Variants in CCDC85A observed in about 807,000 individuals in gnomAD.
CCDC85A encodes the protein coiled-coil domain-containing protein 85A.
Under a neutral mutation model 50.2 loss-of-function variants are expected in CCDC85A, and 38 were observed. The ratio of observed to expected loss-of-function variants is 0.76; its 90% CI spans 0.58 to 0.99. CCDC85A has a LOEUF of 0.99. Ranked by LOEUF, CCDC85A falls within the 50% of genes least tolerant of loss-of-function variation. The probability of loss-of-function intolerance (pLI) is 0.00; values close to 1 mark genes in which losing one functional copy is unlikely to be tolerated. For missense variants in CCDC85A, 820 were observed against 742.0 expected (o/e 1.11, Z -1.22); for synonymous variants, 366 against 301.4 (o/e 1.21, Z -2.22).
intron 5 of CCDC85A, among the ~76,000 whole-genome samples, chr2:56,382,843 C>T (rs936372537): frequency 6.6e-6 from 1 of 151,980 alleles, no homozygotes; most frequent in Non-Finnish European, 1.5e-5. Flanking sequence ...GTCCTTAAGT[C>T]TACCCTCTGC....
At chr2:56,378,866 A>G (rs1052666292) in intron 5 of CCDC85A, among the ~76,000 whole-genome samples, 1 of 152,232 alleles carries the variant, frequency 6.6e-6, no homozygotes, top group Non-Finnish European at 1.5e-5. Flanking sequence ...TGTGGATTCT[A>G]TAGGAACTTC....
intron 2 of CCDC85A, among the ~76,000 whole-genome samples, chr2:56,306,523 A>G (rs1256853857): frequency 4.6e-5 from 7 of 152,114 alleles, no homozygotes; most frequent in Non-Finnish European, 1.0e-4. Context: ...TACTTATACA[A>G]CCTTACATCC....
intron 2 of CCDC85A, among the ~76,000 whole-genome samples, chr2:56,288,638 C>T (rs997312737): frequency 6.6e-5 from 10 of 151,970 alleles, no homozygotes; most frequent in African/African-American, 1.9e-4. Flanking sequence ...TCCAACACAC[C>T]GATAGAGAAA....
rs1479017307 is a variant in CCDC85A, at chr2:56,192,788, C to T, written c.588C>T (p.Leu196=). The change falls in exon 2 of 6, where the codon CTC becomes CTT. Residue 196 remains leucine, a synonymous_variant. Transcript: ENST00000407595. This position sits in a 1 kb window ranked among gnomAD's most constrained non-coding sequence, Gnocchi z 4.7. ...SIDSQASLCQ[L]TASTAPYVRD... ...ACAGCCAGGCCAGCCTGTGCCAACT[C>T]ACAGCCTCCACCGCACCCTACGTGC... 1.2e-6 allele frequency: 2 copies of T among 1,613,040 alleles called. No individual in the cohort carries two copies. Among genetic ancestry groups the T allele is most frequent in the African/African-American group, 1.3e-5 (1 of 74,898 alleles).
At chr2:56,289,377 C>T (rs1413670369) in intron 2 of CCDC85A, among the ~76,000 whole-genome samples, 1 of 152,128 alleles carries the variant, frequency 6.6e-6, no homozygotes, top group Non-Finnish European at 1.5e-5. Flanking sequence ...TGTATGAACA[C>T]TAGGGGATGC....
chr2:56,239,180 A>G (rs1669149503), intron 2 of CCDC85A, among the ~76,000 whole-genome samples: 1 of 152,066 alleles, frequency 6.6e-6, no homozygotes, highest in African/African-American at 2.4e-5. Flanking sequence ...GCCAGATGTG[A>G]GGGTCGTTAT....
chr2:56,300,871 A>G (rs577475690), intron 2 of CCDC85A, among the ~76,000 whole-genome samples: 1 of 152,280 alleles, frequency 6.6e-6, no homozygotes, highest in East Asian at 1.9e-4. Context: ...AAGGTCGATG[A>G]ATCTTGCTTT....
intron 3 of CCDC85A, among the ~76,000 whole-genome samples, chr2:56,367,636 A>G (rs1234756564): frequency 6.6e-6 from 1 of 152,190 alleles, no homozygotes; most frequent in Non-Finnish European, 1.5e-5. Flanking sequence ...TAGAAACTGC[A>G]TAGTTTTGAC....
At chr2:56,237,782 A>G (rs146228700) in intron 2 of CCDC85A, among the ~76,000 whole-genome samples, 1 of 151,358 alleles carries the variant, frequency 6.6e-6, no homozygotes, top group African/African-American at 2.4e-5. Context: ...AAAGTTTGCT[A>G]TGATTGAATG....
intron 2 of CCDC85A, among the ~76,000 whole-genome samples, chr2:56,245,505 C>G (rs1477403364): frequency 6.6e-6 from 1 of 152,216 alleles, no homozygotes; most frequent in Non-Finnish European, 1.5e-5. Context: ...TAAGTTAAAA[C>G]CAGCTACTGT....
intron 3 of CCDC85A, among the ~76,000 whole-genome samples, chr2:56,349,123 C>A (rs925913453): frequency 7.9e-5 from 12 of 152,056 alleles, no homozygotes; most frequent in Non-Finnish European, 1.6e-4. Flanking sequence ...TGAAGAGCGA[C>A]CCTAATTATG....
At chr2:56,287,483 C>G (rs1671499338) in intron 2 of CCDC85A, among the ~76,000 whole-genome samples, 1 of 152,198 alleles carries the variant, frequency 6.6e-6, no homozygotes, top group Admixed American at 6.5e-5. Flanking sequence ...TGTCCAATGT[C>G]TGAAAACAGG....
rs1676345756 is a variant in CCDC85A at position 56,192,651 on chromosome 2, C to A, written c.451C>A (p.Leu151Met). ...VALYLQKLKD[L>M]EVKQEEVVKE... ...CTTATACCTGCAGAAGCTGAAAGAC[C>A]TGGAGGTGAAGCAGGAGGAAGTGGT... is the stretch of plus-strand genomic sequence containing the variant. Residue 151 changes from leucine (L) to methionine (M), a missense_variant, in exon 2 of 6, where the codon CTG becomes ATG. Transcript: ENST00000407595. This position sits in a 1 kb window ranked among gnomAD's most constrained non-coding sequence, Gnocchi z 4.7. 1 of 1,613,762 alleles carries A rather than the reference C, an allele frequency of 6.2e-7. No individual in the cohort carries two copies. The highest frequency in any genetic ancestry group is 1.3e-5 in the African/African-American group (1 of 74,880).
intron 2 of CCDC85A, among the ~76,000 whole-genome samples, chr2:56,220,645 A>G (rs1044137215): frequency 6.6e-6 from 1 of 151,994 alleles, no homozygotes; most frequent in African/African-American, 2.4e-5. Flanking sequence ...GTACTTCATT[A>G]TTTCTTCTCA....
intron 2 of CCDC85A, among the ~76,000 whole-genome samples, chr2:56,199,953 C>T (rs1323307086): frequency 6.6e-6 from 1 of 152,234 alleles, no homozygotes; most frequent in East Asian, 1.9e-4. Flanking sequence ...ACTGCAACCT[C>T]CGACTCCCTG....
At chr2:56,368,804 A>G (rs6729888) in intron 3 of CCDC85A, among the ~76,000 whole-genome samples, 131,782 of 151,686 alleles carry the variant, frequency 0.87, 57,305 homozygotes, top group East Asian at 0.96. Flanking sequence ...TTTATATAGT[A>G]CATATATATT....
chr2:56,371,679 T>C (rs973964248), intron 3 of CCDC85A, among the ~76,000 whole-genome samples: 3 of 152,104 alleles, frequency 2.0e-5, no homozygotes, highest in African/African-American at 7.2e-5. Context: ...AATTAAGGAC[T>C]TTTTTCTTTT....
chr2:56,214,737 G>A (rs1677323207), intron 2 of CCDC85A, among the ~76,000 whole-genome samples: 1 of 151,884 alleles, frequency 6.6e-6, no homozygotes, highest in South Asian at 2.1e-4. Context: ...ACTGACATAT[G>A]TGTTTGTTCT....
At chr2:56,373,392 A>G (rs1303105738) in intron 4 of CCDC85A, among the ~76,000 whole-genome samples, 1 of 151,746 alleles carries the variant, frequency 6.6e-6, no homozygotes, top group African/African-American at 2.4e-5. Context: ...AAAAAAAAAA[A>G]GTGTGTTTTT....
Sources: gnomAD v4.1 joint callset for allele counts (sites outside exome capture counted in the v4.1 genomes callset) on GRCh38, gnomAD v4.1.1 for gene constraint, Gnocchi (gnomAD v3.1) non-coding constraint, MANE v1.5 for transcripts, NCBI Gene and HGNC (gene_info 2026-07-23, HGNC 2026-07-21) for gene names.